Variants in IMMP2L observed in about 807,000 individuals in gnomAD.
IMMP2L encodes the protein mitochondrial inner membrane protease subunit 2.
IMMP2L carries 18 observed loss-of-function variants against 19.3 expected under a neutral mutation model. The observed-to-expected ratio is 0.93, with a 90% CI of 0.64 to 1.38. The LOEUF (loss-of-function observed/expected upper bound fraction) is 1.38. Among genes scored for constraint, IMMP2L ranks in the 40% most tolerant of loss-of-function variants. The pLI, the probability that IMMP2L is intolerant of heterozygous loss-of-function variation, is 0.00. For missense variants in IMMP2L, 233 were observed against 218.2 expected, an observed-to-expected ratio of 1.07 and a Z score of -0.43; for synonymous variants, 76 against 73.0, an observed-to-expected ratio of 1.04 and a Z score of -0.21.
chr7:110,928,968 A>G (rs575725271), intron 4 of IMMP2L, among the ~76,000 whole-genome samples: 1 of 152,188 alleles, frequency 6.6e-6, no homozygotes, highest in South Asian at 2.1e-4. Flanking sequence ...GCTCCCTTTC[A>G]ATATTATAAT....
At chr7:111,530,786 T>C (rs964062637) in intron 1 of IMMP2L, among the ~76,000 whole-genome samples, 1 of 152,102 alleles carries the variant, frequency 6.6e-6, no homozygotes, top group African/African-American at 2.4e-5. Context: ...TTAAAATTTT[T>C]CCTCAAAACT....
intron 3 of IMMP2L, among the ~76,000 whole-genome samples, chr7:111,358,450 A>C (rs1281979359): frequency 6.6e-6 from 1 of 151,880 alleles, no homozygotes. Context: ...AAAAAATCAC[A>C]TTATCTTGTG....
chr7:111,214,450 C>G (rs1229588077), intron 3 of IMMP2L, among the ~76,000 whole-genome samples: 2 of 128,538 alleles, frequency 1.6e-5, no homozygotes. Context: ...TCAAGTGATT[C>G]TCCTGCCTCG....
At chr7:111,412,741 G>A (rs1024917000) in intron 3 of IMMP2L, among the ~76,000 whole-genome samples, 4 of 151,718 alleles carry the variant, frequency 2.6e-5, no homozygotes, top group Admixed American at 2.6e-4. Context: ...AATATCTGGG[G>A]ATGGGAGACA....
At chr7:110,702,073 G>A (rs185612483) in intron 5 of IMMP2L, among the ~76,000 whole-genome samples, 12 of 151,916 alleles carry the variant, frequency 7.9e-5, no homozygotes, top group Non-Finnish European at 1.5e-4. Flanking sequence ...AGGACTACAG[G>A]TGCATGCCTC....
At chr7:111,499,601 C>T (rs569760425) in intron 2 of IMMP2L, among the ~76,000 whole-genome samples, 22 of 152,192 alleles carry the variant, frequency 1.4e-4, no homozygotes, top group African/African-American at 5.1e-4. Flanking sequence ...AAGAAGATAA[C>T]CATGGATTTT....
intron 5 of IMMP2L, among the ~76,000 whole-genome samples, chr7:110,827,229 A>G (rs1182235105): frequency 6.6e-6 from 1 of 152,106 alleles, no homozygotes; most frequent in Non-Finnish European, 1.5e-5. Context: ...TGAGGTTCAG[A>G]GATAAGCAAC....
In IMMP2L at chr7:111,277,416, T is replaced by C. The variant is rs532598450; in HGVS notation, c.239+209822A>G. ...AGATACCATTTTACACCAGTCAGAA[T>C]GACTATTAAAAAGTCTAAAAACACT... is the stretch of plus-strand genomic sequence containing the variant. On this transcript the variant is annotated intron_variant, in intron 3 of 5. Coordinates refer to ENST00000405709, the MANE Select transcript of IMMP2L (RefSeq NM_032549.4). Among the ~76,000 whole-genome samples the C allele has an allele frequency of 1.2e-4, 19 of 152,218 alleles. No homozygotes were observed. The South Asian group carries it at 3.9e-3, about 32-fold the overall frequency.
chr7:111,128,654 G>A (rs150562020), intron 3 of IMMP2L, among the ~76,000 whole-genome samples: 4,263 of 152,112 alleles, frequency 0.028, 86 homozygotes, highest in Non-Finnish European at 0.043. Context: ...GTGAAACTCC[G>A]TCTCTACTAA....
chr7:110,963,502 G>A lies in IMMP2L; in HGVS notation c.303C>T (p.Val101=). Residue 101 remains valine, a splice_region_variant and synonymous_variant, in exon 4 of 6, where the codon GTC becomes GTT. Transcript: ENST00000405709. ...KRVIALEGDI[V]RTIGHKNRYV... ...CAGAAACAACAGTAAATACTTACCT[G>A]ACAATATCTCCTTCAAGAGCAATCA... 1 of 1,591,604 alleles carries A rather than the reference G, an allele frequency of 6.3e-7. No individual in the cohort carries two copies.
chr7:111,552,073 A>G (rs964683354), intron 1 of IMMP2L, among the ~76,000 whole-genome samples: 7 of 152,106 alleles, frequency 4.6e-5, no homozygotes, highest in African/African-American at 1.7e-4. Flanking sequence ...TCAATGTACT[A>G]CTTCTACACC....
At chr7:110,762,816 A>G (rs977428600) in intron 5 of IMMP2L, among the ~76,000 whole-genome samples, 1 of 152,136 alleles carries the variant, frequency 6.6e-6, no homozygotes, top group Non-Finnish European at 1.5e-5. Context: ...CGAAAGCAAA[A>G]AATAAAAGAT....
At chr7:111,034,709 G>A (rs1259745217) in intron 3 of IMMP2L, among the ~76,000 whole-genome samples, 2 of 152,074 alleles carry the variant, frequency 1.3e-5, no homozygotes, top group Non-Finnish European at 2.9e-5. Flanking sequence ...ACAGCAGTTA[G>A]AATAAATTTA....
intron 5 of IMMP2L, among the ~76,000 whole-genome samples, chr7:110,714,603 T>C (rs931910014): frequency 3.3e-5 from 5 of 152,150 alleles, no homozygotes; most frequent in African/African-American, 9.7e-5. Context: ...TTTGTTTGTT[T>C]GCTTGTTTGT....
intron 3 of IMMP2L, among the ~76,000 whole-genome samples, chr7:111,128,303 T>C (rs1172141719): frequency 6.6e-6 from 1 of 152,220 alleles, no homozygotes; most frequent in Non-Finnish European, 1.5e-5. Context: ...TCTTTATCAG[T>C]GTTTTCACAA....
intron 3 of IMMP2L, among the ~76,000 whole-genome samples, chr7:111,002,465 G>A (rs1291131337): frequency 1.3e-5 from 2 of 152,114 alleles, no homozygotes; most frequent in Non-Finnish European, 2.9e-5. Context: ...TTTCACTAAA[G>A]ATCTGTCTGT....
At chr7:111,217,599 C>T (rs962953578) in intron 3 of IMMP2L, among the ~76,000 whole-genome samples, 2 of 152,006 alleles carry the variant, frequency 1.3e-5, no homozygotes, top group Non-Finnish European at 2.9e-5. Context: ...TAATAACGTC[C>T]GTTGAGTCAG....
At chr7:111,544,341 C>T (rs923963912) in intron 1 of IMMP2L, among the ~76,000 whole-genome samples, 2 of 152,022 alleles carry the variant, frequency 1.3e-5, no homozygotes, top group African/African-American at 4.8e-5. Flanking sequence ...CACATGTATA[C>T]ACATGTAACA....
At chr7:111,157,033 C>T (rs1804715221) in intron 3 of IMMP2L, among the ~76,000 whole-genome samples, 1 of 152,082 alleles carries the variant, frequency 6.6e-6, no homozygotes, top group Admixed American at 6.6e-5. Context: ...GATAACATCA[C>T]ACTCTAGTTC....
Sources: gnomAD v4.1 joint callset for allele counts (sites outside exome capture counted in the v4.1 genomes callset) on GRCh38, gnomAD v4.1.1 for gene constraint, MANE v1.5 for transcripts, NCBI Gene and HGNC (gene_info 2026-07-23, HGNC 2026-07-21) for gene names.